Variants in DCAF6 observed in about 807,000 individuals in gnomAD.
The protein encoded by DCAF6 is DDB1 and CUL4 associated factor 6, also known as DDB1- and CUL4-associated factor 6.
Under a neutral mutation model 125.1 loss-of-function variants are expected in DCAF6, and 54 were observed. That is an observed-to-expected ratio of 0.43 (90% CI 0.35 to 0.54). The LOEUF (loss-of-function observed/expected upper bound fraction) is 0.54, where lower values mean the gene tolerates loss of function less well. Ranked by LOEUF, DCAF6 falls within the 20% of genes least tolerant of loss-of-function variation. DCAF6 has a pLI of 0.01. For synonymous variants in DCAF6, 371 were observed against 390.4 expected, an observed-to-expected ratio of 0.95 and a Z score of 0.58; for missense variants, 934 against 1,161.7, an observed-to-expected ratio of 0.80 and a Z score of 2.85.
At chr1:167,906,395 A>G in the DCAF6 span, among the ~76,000 whole-genome samples, 1 of 152,142 alleles carries the variant, frequency 6.6e-6, no homozygotes, top group African/African-American at 2.4e-5. Context: ...TTAAAAATGC[A>G]GCAAAAGACC....
At chr1:167,864,038 C>T in the DCAF6 span, among the ~76,000 whole-genome samples, 82 of 152,340 alleles carry the variant, frequency 5.4e-4, 1 homozygote, top group Middle Eastern at 6.8e-3. Context: ...CCACGGTGTG[C>T]CTGTTCCGGC....
chr1:167,912,337 ACAGGGCC>A, the DCAF6 span, among the ~76,000 whole-genome samples: 1 of 152,192 alleles, frequency 6.6e-6, no homozygotes, highest in Non-Finnish European at 1.5e-5. Context: ...GCCATTAGAA[ACAGGGCC>A]CACCCAACAT....
chr1:168,017,418 G>A (rs530937699), intron 11 of DCAF6, among the ~76,000 whole-genome samples: 11 of 151,926 alleles, frequency 7.2e-5, no homozygotes, highest in Non-Finnish European at 1.5e-4. Flanking sequence ...TGTCTAACAG[G>A]AAAGAAGTAT....
intron 12 of DCAF6, among the ~76,000 whole-genome samples, chr1:168,037,612 TA>T (rs1177497962): frequency 1.3e-5 from 2 of 152,192 alleles, no homozygotes; most frequent in African/African-American, 4.8e-5. Context: ...AATACTCTAT[TA>T]ATTTGTGTAG....
intron 13 of DCAF6, among the ~76,000 whole-genome samples, chr1:168,040,972 TTTTA>T (rs1688456148): frequency 6.6e-6 from 1 of 151,416 alleles, no homozygotes. Flanking sequence ...TGTCTCTTGC[TTTTA>T]TTTTAGTTTC....
At chr1:167,916,238 C>T in the DCAF6 span, among the ~76,000 whole-genome samples, 2 of 151,866 alleles carry the variant, frequency 1.3e-5, no homozygotes, top group East Asian at 3.9e-4. Flanking sequence ...GGGAGTTTTG[C>T]TCTTGTCGCC....
intron 1 of DCAF6, among the ~76,000 whole-genome samples, chr1:167,942,840 G>A (rs1672458934): frequency 6.6e-6 from 1 of 152,052 alleles, no homozygotes; most frequent in Non-Finnish European, 1.5e-5. Context: ...CAATTTCCTA[G>A]CCACATTCCA....
At chr1:167,944,084 T>C (rs9651032) in intron 1 of DCAF6, among the ~76,000 whole-genome samples, 2,830 of 152,256 alleles carry the variant, frequency 0.019, 77 homozygotes, top group African/African-American at 0.064. Context: ...CCTTGTGATC[T>C]GCCCGCCTCG....
the DCAF6 span, chr1:167,899,366 A>C: frequency 6.4e-7 from 1 of 1,552,660 alleles, no homozygotes; most frequent in Non-Finnish European, 8.9e-7. Context: ...CTCTTCTGGC[A>C]GGGGGCCTCT....
At chr1:167,986,884 A>C (rs568814582) in intron 4 of DCAF6, among the ~76,000 whole-genome samples, 2 of 152,358 alleles carry the variant, frequency 1.3e-5, no homozygotes, top group Admixed American at 1.3e-4. Context: ...AGAAGTGGAT[A>C]CAGGCATATC....
At chr1:167,872,075 C>T in the DCAF6 span, among the ~76,000 whole-genome samples, 1 of 152,120 alleles carries the variant, frequency 6.6e-6, no homozygotes, top group Non-Finnish European at 1.5e-5. Flanking sequence ...GGAGCGGTGG[C>T]TCACGCCTGT....
At chr1:167,998,072 C>T (rs997333678) in intron 7 of DCAF6, among the ~76,000 whole-genome samples, 1 of 152,128 alleles carries the variant, frequency 6.6e-6, no homozygotes, top group Non-Finnish European at 1.5e-5. Flanking sequence ...CCATACTTCT[C>T]CTCCCAGATA....
At chr1:167,942,134 T>C (rs1672341845) in intron 1 of DCAF6, among the ~76,000 whole-genome samples, 1 of 152,222 alleles carries the variant, frequency 6.6e-6, no homozygotes, top group Non-Finnish European at 1.5e-5. Flanking sequence ...GGCATGATCT[T>C]GGCTTACCGC....
At chr1:167,977,075 A>AT (rs528475346) in intron 4 of DCAF6, among the ~76,000 whole-genome samples, 8 of 148,190 alleles carry the variant, frequency 5.4e-5, no homozygotes, top group Non-Finnish European at 1.0e-4. Context: ...CTAATTTTGT[A>AT]TTTTTTTTAG....
In DCAF6 at chr1:168,050,901, C is replaced by T; in HGVS notation, c.2268C>T (p.Ile756=). Residue 756 remains isoleucine (I), a synonymous_variant, in exon 17 of 22, where the codon ATC becomes ATT. Coordinates refer to ENST00000367840, the MANE Select transcript of DCAF6 (RefSeq NM_001198956.2). ...YRAGPGDRFN[I]RGTTIGDRIM... ...GTGTTCCCTTCACTAGATTTAATATCAGAGGAACAACAATAGGTGATAGAA... is the reference window on the plus strand; with the variant it reads ...GTGTTCCCTTCACTAGATTTAATATTAGAGGAACAACAATAGGTGATAGAA... The T allele has an allele frequency of 1.5e-6, 2 of 1,378,076 alleles. No homozygotes were observed. The highest frequency in any genetic ancestry group is 1.9e-6 in the Non-Finnish European group (2 of 1,041,492). 85.4% of individuals were successfully genotyped at this position (1,378,076 alleles called of 1,614,324 possible). A position where few individuals can be genotyped will look rare whatever the true frequency, so the allele number is the denominator to read the frequency against.
intron 17 of DCAF6, among the ~76,000 whole-genome samples, chr1:168,058,896 T>G (rs1691244790): frequency 6.6e-6 from 1 of 152,162 alleles, no homozygotes; most frequent in East Asian, 1.9e-4. Context: ...CTGGGTTGTT[T>G]TAATTGAGTT....
chr1:168,014,126 T>C (rs918675298), intron 10 of DCAF6, among the ~76,000 whole-genome samples: 4 of 152,200 alleles, frequency 2.6e-5, no homozygotes, highest in African/African-American at 9.7e-5. Flanking sequence ...AAAGAATATA[T>C]ATACTTTGTG....
the DCAF6 span, among the ~76,000 whole-genome samples, chr1:167,866,043 T>A: frequency 6.6e-6 from 1 of 152,172 alleles, no homozygotes; most frequent in South Asian, 2.1e-4. Context: ...CTTGGAGACC[T>A]GAAGTGATGC....
At chr1:168,066,116 A>C (rs1692295006) in intron 19 of DCAF6, among the ~76,000 whole-genome samples, 1 of 152,180 alleles carries the variant, frequency 6.6e-6, no homozygotes, top group Non-Finnish European at 1.5e-5. Context: ...TCTTTTTGAA[A>C]TTGCCCACAT....
Sources: allele counts gnomAD v4.1 joint callset (sites outside exome capture counted in the v4.1 genomes callset), GRCh38; gene constraint gnomAD v4.1.1; transcripts MANE v1.5; gene names NCBI Gene and HGNC (gene_info 2026-07-23, HGNC 2026-07-21).